The following SH3BGRL variants were observed in gnomAD, a reference collection of about 807,000 sequenced individuals.
SH3BGRL encodes the protein adapter SH3BGRL.
A neutral mutation model predicts 9.8 loss-of-function variants in SH3BGRL; 7 were observed. The ratio of observed to expected loss-of-function variants is 0.72; its 90% CI spans 0.41 to 1.35. SH3BGRL has a LOEUF of 1.35. Among genes scored for constraint, SH3BGRL ranks in the 40% most tolerant of loss-of-function variants. The probability of loss-of-function intolerance (pLI) is 0.01; values close to 1 mark genes in which losing one functional copy is unlikely to be tolerated. For synonymous variants in SH3BGRL, 36 were observed against 29.1 expected, an observed-to-expected ratio of 1.24 and a Z score of -0.76; for missense variants, 73 against 84.4, an observed-to-expected ratio of 0.86 and a Z score of 0.53.
At chrX:81,219,189 A>G (rs1261319554) in intron 1 of SH3BGRL, among the ~76,000 whole-genome samples, 1 of 110,131 alleles carries the variant, frequency 9.1e-6, no homozygotes, top group Non-Finnish European at 1.9e-5. Context: ...AAGACAAAGG[A>G]AAGAATCTTA....
At chrX:81,256,975 A>G (rs1171805858) in intron 1 of SH3BGRL, among the ~76,000 whole-genome samples, 1 of 111,184 alleles carries the variant, frequency 9.0e-6, no homozygotes, top group East Asian at 2.8e-4. Context: ...AACTCTATAT[A>G]TCTCTAGTTT....
chrX:81,296,473 T>C (rs2075875054), intron 3 of SH3BGRL, among the ~76,000 whole-genome samples: 1 of 111,798 alleles, frequency 8.9e-6, no homozygotes, highest in South Asian at 3.8e-4. Flanking sequence ...TTTTCTCCCT[T>C]CTTTTGCATG....
intron 3 of SH3BGRL, among the ~76,000 whole-genome samples, chrX:81,282,666 A>G (rs2075821553): frequency 8.9e-6 from 1 of 111,881 alleles, no homozygotes; most frequent in Admixed American, 9.5e-5. Context: ...AACCTCTGGG[A>G]TACAGCAAAG....
chrX:81,220,573 T>C (rs772712693), intron 1 of SH3BGRL, among the ~76,000 whole-genome samples: 5 of 110,009 alleles, frequency 4.5e-5, no homozygotes, highest in Non-Finnish European at 7.6e-5. Context: ...CACTTTTTGT[T>C]TCATTGATCT....
At chrX:81,234,750 G>T (rs894168658) in intron 1 of SH3BGRL, among the ~76,000 whole-genome samples, 3 of 111,984 alleles carry the variant, frequency 2.7e-5, no homozygotes, top group African/African-American at 9.7e-5. Context: ...CCCGTTAACA[G>T]AAGTTTACTA....
chrX:81,238,349 G>A (rs73508659), intron 1 of SH3BGRL, among the ~76,000 whole-genome samples: 4,668 of 112,200 alleles, frequency 0.042, 236 homozygotes, highest in African/African-American at 0.14. Flanking sequence ...ATTGACAGCA[G>A]TCTGGCAGTA....
chrX:81,269,916 C>A (rs1478736289), intron 1 of SH3BGRL, among the ~76,000 whole-genome samples: 1 of 110,921 alleles, frequency 9.0e-6, no homozygotes, highest in Non-Finnish European at 1.9e-5. Context: ...TCGTTCATTT[C>A]TTTTTACTCT....
At chrX:81,246,981 T>C (rs1393858260) in intron 1 of SH3BGRL, among the ~76,000 whole-genome samples, 1 of 112,205 alleles carries the variant, frequency 8.9e-6, no homozygotes, top group African/African-American at 3.2e-5. Flanking sequence ...GTCTTTGATT[T>C]CTTTTGGAAC....
At chrX:81,205,506 A>ATG (rs2075544659) in intron 1 of SH3BGRL, among the ~76,000 whole-genome samples, 1 of 72,230 alleles carries the variant, frequency 1.4e-5, no homozygotes, top group African/African-American at 5.8e-5. Flanking sequence ...GTGTGTGTGT[A>ATG]TATATATATA....
chrX:81,225,176 G>A (rs189552988), intron 1 of SH3BGRL, among the ~76,000 whole-genome samples: 1 of 110,832 alleles, frequency 9.0e-6, no homozygotes, highest in East Asian at 2.8e-4. Flanking sequence ...TTTAGCCATG[G>A]AAAAGCATTA....
intron 1 of SH3BGRL, 144 bp downstream of exon 1, chrX:81,202,389 T>C: frequency 1.0e-6 from 1 of 1,002,775 alleles, no homozygotes. Context: ...TCTTCTTCCC[T>C]TTTTTCCCTT....
chrX:81,237,845 A>T (rs1433948950), intron 1 of SH3BGRL, among the ~76,000 whole-genome samples: 1 of 104,890 alleles, frequency 9.5e-6, no homozygotes, highest in African/African-American at 3.5e-5. Flanking sequence ...CTTCTGCTTG[A>T]GGAGAGGAGA....
chrX:81,276,353 G>C (rs1180009313), intron 1 of SH3BGRL, among the ~76,000 whole-genome samples: 2 of 108,819 alleles, frequency 1.8e-5, no homozygotes, highest in Non-Finnish European at 3.8e-5. Context: ...AATTACTTTT[G>C]CACCAACCTA....
intron 1 of SH3BGRL, among the ~76,000 whole-genome samples, chrX:81,274,430 G>A (rs1484505317): frequency 9.1e-6 from 1 of 110,369 alleles, no homozygotes; most frequent in African/African-American, 3.3e-5. Flanking sequence ...GACCAACATG[G>A]TGAAACCCCG....
intron 1 of SH3BGRL, among the ~76,000 whole-genome samples, chrX:81,212,358 G>A (rs1376851679): frequency 3.6e-5 from 4 of 111,966 alleles, no homozygotes; most frequent in Non-Finnish European, 7.5e-5. Flanking sequence ...CAAACACCTG[G>A]TGGGTTTTAA....
chrX:81,267,784 G>A lies in SH3BGRL; in HGVS notation c.46-9200G>A, dbSNP rs184093193. Among the ~76,000 whole-genome samples the A allele has an allele frequency of 5.1e-3, 564 of 110,660 alleles. 2 individuals carry two copies. Among genetic ancestry groups the A allele is most frequent in the Non-Finnish European group, 9.5e-3 (499 of 52,551 alleles). On this transcript the variant is annotated intron_variant, in intron 1 of 3. Coordinates refer to ENST00000373212, the MANE Select transcript of SH3BGRL (RefSeq NM_003022.3). ...TTGGAATAGTTTCAGAAGGAACTAC[G>A]CATGCAATAAAGCTCCTCTTTGTAC...
chrX:81,253,396 T>C (rs1391791218), intron 1 of SH3BGRL, among the ~76,000 whole-genome samples: 1 of 111,487 alleles, frequency 9.0e-6, no homozygotes, highest in Non-Finnish European at 1.9e-5. Context: ...CTCTGTTACC[T>C]GGGTTGTTAC....
chrX:81,269,261 G>T (rs921380750), intron 1 of SH3BGRL, among the ~76,000 whole-genome samples: 7 of 111,343 alleles, frequency 6.3e-5, no homozygotes, highest in Non-Finnish European at 1.3e-4. Context: ...CTGTCATTAT[G>T]ATGTTAGCTG....
Position 81,278,342 on chromosome X carries a change from C to G in SH3BGRL, c.243C>G (p.Ala81=). 8.4e-7 allele frequency: 1 copy of G among 1,189,588 alleles called. No individual in the cohort carries two copies. Among genetic ancestry groups the G allele is most frequent in the Non-Finnish European group, 1.1e-6 (1 of 879,385 alleles). The change falls in exon 3 of 4, where the codon GCC becomes GCG. Residue 81 remains alanine, a synonymous_variant. Coordinates refer to ENST00000373212, the MANE Select transcript of SH3BGRL (RefSeq NM_003022.3). ...NESQYRGDYD[A]FFEARENNAV... The stretch of plus-strand genomic sequence containing the variant: ...TTCTTTTCATCAAGGACTATGATGC[C>G]TTCTTTGAAGCCAGAGAAAATAATG...
Sources: allele counts gnomAD v4.1 joint callset (sites outside exome capture counted in the v4.1 genomes callset), GRCh38; gene constraint gnomAD v4.1.1; transcripts MANE v1.5; gene names NCBI Gene and HGNC (gene_info 2026-07-23, HGNC 2026-07-21).